The following PDE10A variants were observed in gnomAD, a reference collection of about 807,000 sequenced individuals.
PDE10A encodes the protein cAMP and cAMP-inhibited cGMP 3',5'-cyclic phosphodiesterase 10A.
PDE10A carries 39 observed loss-of-function variants against 97.7 expected under a neutral mutation model. The observed-to-expected ratio is 0.40, with a 90% CI of 0.31 to 0.52. The LOEUF is 0.52. Ranked by LOEUF, PDE10A falls within the 20% of genes least tolerant of loss-of-function variation. The probability of loss-of-function intolerance (pLI) is 0.56; values close to 1 mark genes in which losing one functional copy is unlikely to be tolerated. For missense variants in PDE10A, 731 were observed against 1,047.8 expected, an observed-to-expected ratio of 0.70 and a Z score of 4.17; for synonymous variants, 371 against 376.8, an observed-to-expected ratio of 0.98 and a Z score of 0.18.
At chr6:165,518,341 G>A (rs1322497945) in intron 2 of PDE10A, among the ~76,000 whole-genome samples, 1 of 152,128 alleles carries the variant, frequency 6.6e-6, no homozygotes, top group Admixed American at 6.6e-5. Context: ...AATATTAAAT[G>A]GAAAATTCCA....
At chr6:165,522,562 C>T (rs1367733962) in intron 2 of PDE10A, among the ~76,000 whole-genome samples, 1 of 151,844 alleles carries the variant, frequency 6.6e-6, no homozygotes, top group Non-Finnish European at 1.5e-5. Context: ...CAATAAAATC[C>T]AACATCCCCT....
At chr6:165,684,316 T>C (rs912104651) in intron 1 of PDE10A, among the ~76,000 whole-genome samples, 1 of 152,190 alleles carries the variant, frequency 6.6e-6, no homozygotes, top group East Asian at 1.9e-4. Flanking sequence ...CAATCAATAA[T>C]TGTTCCAAAA....
At chr6:165,688,002 G>A (rs1339828568) in intron 1 of PDE10A, among the ~76,000 whole-genome samples, 3 of 152,152 alleles carry the variant, frequency 2.0e-5, no homozygotes, top group East Asian at 1.9e-4. Flanking sequence ...CACGGCTCAC[G>A]CCCAGAACTC....
chr6:165,875,837 T>C (rs1781329087), intron 1 of PDE10A, among the ~76,000 whole-genome samples: 1 of 152,018 alleles, frequency 6.6e-6, no homozygotes, highest in Admixed American at 6.6e-5. Flanking sequence ...TATTGGTTTT[T>C]AAGCGTAGGG....
chr6:165,723,662 T>C (rs1210351374), intron 1 of PDE10A, among the ~76,000 whole-genome samples: 1 of 152,224 alleles, frequency 6.6e-6, no homozygotes, highest in Non-Finnish European at 1.5e-5. Flanking sequence ...ACTTTAGAAA[T>C]AGCAGGGAAA....
chr6:165,802,538 TGGTGGA>T (rs1779010546), intron 1 of PDE10A, among the ~76,000 whole-genome samples: 1 of 152,184 alleles, frequency 6.6e-6, no homozygotes, highest in African/African-American at 2.4e-5. Context: ...TACCGCAAAG[TGGTGGA>T]GCAGAGCCAG....
intron 1 of PDE10A, among the ~76,000 whole-genome samples, chr6:165,912,496 C>A (rs1026007674): frequency 2.6e-5 from 4 of 152,146 alleles, no homozygotes; most frequent in African/African-American, 9.7e-5. Flanking sequence ...GTCCTTTCTG[C>A]AGTCTACACA....
rs577580923 is a variant in PDE10A, at chr6:165,977,026, TGAA to T, written c.-615+10500_-615+10502del. Among the ~76,000 whole-genome samples, 56 of 152,358 alleles carry T rather than the reference TGAA, an allele frequency of 3.7e-4. No homozygotes were observed. The East Asian group carries it at 0.01, about 28-fold the overall frequency. ...GGCTGGAGCCAAATGTGAAGATAAC[TGAA>T]AGTTCTCTATCTTGTTACAGAACCT... On this transcript the variant is annotated intron_variant, in intron 1 of 19. Coordinates refer to the PDE10A transcript ENST00000366882.
chr6:165,353,917 A>C (rs1782859986), intron 18 of PDE10A, among the ~76,000 whole-genome samples: 1 of 152,192 alleles, frequency 6.6e-6, no homozygotes, highest in Non-Finnish European at 1.5e-5. Flanking sequence ...ATTGTAATAA[A>C]TGTACTATTC....
chr6:165,907,688 CAGG>C (rs1268020189), intron 1 of PDE10A, among the ~76,000 whole-genome samples: 4 of 152,216 alleles, frequency 2.6e-5, no homozygotes, highest in Admixed American at 2.6e-4. Context: ...AAGCACCCTG[CAGG>C]AGGAGCGGAT....
chr6:165,551,117 T>G (rs1198360939), intron 1 of PDE10A, among the ~76,000 whole-genome samples: 1 of 152,152 alleles, frequency 6.6e-6, no homozygotes, highest in Admixed American at 6.5e-5. Flanking sequence ...CTTATTAACC[T>G]GTGTGTGTGT....
chr6:165,851,251 C>T (rs1780564316), intron 1 of PDE10A, among the ~76,000 whole-genome samples: 1 of 152,168 alleles, frequency 6.6e-6, no homozygotes, highest in African/African-American at 2.4e-5. Context: ...TGACCCATCA[C>T]AATATAGAGA....
At chr6:165,732,395 G>A (rs1562708954) in intron 1 of PDE10A, among the ~76,000 whole-genome samples, 4 of 152,344 alleles carry the variant, frequency 2.6e-5, no homozygotes, top group African/African-American at 9.6e-5. Flanking sequence ...CCACACAGAT[G>A]TGCTGACTTC....
chr6:165,383,685 T>TG (rs1333705077), intron 17 of PDE10A, among the ~76,000 whole-genome samples: 1 of 152,144 alleles, frequency 6.6e-6, no homozygotes, highest in African/African-American at 2.4e-5. Context: ...GAAGGGGCAG[T>TG]GACTCTCCTC....
intron 1 of PDE10A, among the ~76,000 whole-genome samples, chr6:165,901,807 A>G (rs1427093600): frequency 1.3e-5 from 2 of 152,124 alleles, no homozygotes; most frequent in African/African-American, 4.8e-5. Context: ...TCTCAAAAAA[A>G]AAAAGAAAAG....
intron 1 of PDE10A, among the ~76,000 whole-genome samples, chr6:165,806,655 C>G (rs920748576): frequency 6.6e-5 from 10 of 151,132 alleles, no homozygotes; most frequent in African/African-American, 2.2e-4. Flanking sequence ...GAGCGCCCCC[C>G]CCCAGGCTCT....
chr6:165,646,568 C>A (rs1176315963), intron 1 of PDE10A, among the ~76,000 whole-genome samples: 1 of 152,176 alleles, frequency 6.6e-6, no homozygotes, highest in Non-Finnish European at 1.5e-5. Flanking sequence ...TTCTCATGAC[C>A]CCTTCATTCA....
intron 5 of PDE10A, among the ~76,000 whole-genome samples, chr6:165,447,046 G>A (rs993966165): frequency 3.3e-5 from 5 of 151,824 alleles, no homozygotes; most frequent in African/African-American, 1.2e-4. Context: ...TGAATCCTAA[G>A]AGGAACTACT....
At chr6:165,404,896 T>C (rs1043199212) in intron 13 of PDE10A, among the ~76,000 whole-genome samples, 7 of 152,144 alleles carry the variant, frequency 4.6e-5, no homozygotes, top group African/African-American at 1.7e-4. Context: ...TTTCTTTCTG[T>C]TTCTTTCTCA....
Sources: gnomAD v4.1 joint callset for allele counts (sites outside exome capture counted in the v4.1 genomes callset) on GRCh38, gnomAD v4.1.1 for gene constraint, MANE v1.5 for transcripts, NCBI Gene and HGNC (gene_info 2026-07-23, HGNC 2026-07-21) for gene names.